Variants in MAP2 observed in about 807,000 individuals in gnomAD.
MAP2 encodes the protein microtubule associated protein 2, also known as microtubule-associated protein 2.
Under a neutral mutation model 137.6 loss-of-function variants are expected in MAP2, and 14 were observed. That is an observed-to-expected ratio of 0.10 (90% CI 0.07 to 0.16). The LOEUF (loss-of-function observed/expected upper bound fraction) is 0.16, where lower values mean the gene tolerates loss of function less well. MAP2 is among the 10% of genes least tolerant of loss of function. MAP2 has a pLI of 1.00. For synonymous variants in MAP2, 786 were observed against 782.3 expected (o/e 1.00, Z -0.08); for missense variants, 2,088 against 2,191.5 (o/e 0.95, Z 0.94).
At chr2:209,466,133 C>G (rs1450698170) in intron 1 of MAP2, among the ~76,000 whole-genome samples, 1 of 152,152 alleles carries the variant, frequency 6.6e-6, no homozygotes, top group Non-Finnish European at 1.5e-5. Context: ...TCCAAAGAAT[C>G]ATAAACTATT....
intron 1 of MAP2, among the ~76,000 whole-genome samples, chr2:209,434,119 G>A (rs1291925633): frequency 6.6e-6 from 1 of 151,976 alleles, no homozygotes; most frequent in Non-Finnish European, 1.5e-5. Flanking sequence ...AGATTAATAA[G>A]CAGTGTACCT....
chr2:209,614,569 A>G (rs1335962674), intron 3 of MAP2, among the ~76,000 whole-genome samples: 1 of 152,120 alleles, frequency 6.6e-6, no homozygotes, highest in Admixed American at 6.6e-5. Flanking sequence ...ATAGATCGAG[A>G]TATATTTCAA....
At chr2:209,702,190 CT>C (rs948116906) in intron 11 of MAP2, among the ~76,000 whole-genome samples, 6 of 151,968 alleles carry the variant, frequency 3.9e-5, no homozygotes, top group African/African-American at 1.4e-4. Context: ...TTTTAAGCCC[CT>C]TGGTCTTTGA....
chr2:209,461,282 A>C (rs1410607238), intron 1 of MAP2, among the ~76,000 whole-genome samples: 2 of 152,178 alleles, frequency 1.3e-5, no homozygotes, highest in Non-Finnish European at 2.9e-5. Flanking sequence ...TAAAATTTGA[A>C]ATTTAGTTAC....
chr2:209,458,600 A>G (rs1474572503), intron 1 of MAP2, among the ~76,000 whole-genome samples: 8 of 152,196 alleles, frequency 5.3e-5, no homozygotes, highest in Admixed American at 2.0e-4. Context: ...TTTGAATAAT[A>G]AAGCAACTGG....
At chr2:209,723,332 A>G (rs548567292) in intron 13 of MAP2, among the ~76,000 whole-genome samples, 14 of 152,288 alleles carry the variant, frequency 9.2e-5, no homozygotes, top group Non-Finnish European at 2.1e-4. Context: ...TTATTTTTCA[A>G]TCCATATAAC....
chr2:209,634,528 G>A (rs773700085), intron 4 of MAP2, among the ~76,000 whole-genome samples: 6 of 105,938 alleles, frequency 5.7e-5, no homozygotes, highest in Non-Finnish European at 1.0e-4. Context: ...TGTACCTGAG[G>A]TGATCTTGGA....
rs6757315 is a variant in MAP2 at position 209,532,670 on chromosome 2, T to C, written c.-172+25029T>C. On this transcript the variant is annotated intron_variant, in intron 2 of 15. Coordinates refer to ENST00000682079, the MANE Select transcript of MAP2 (RefSeq NM_001375505.1). Reference sequence around the variant, plus strand: ...TGTTTCGATGACCCTGCCTTTAGTGTTGTCCCACTAAGTCTCTCTCTCCTT... The same window carrying C: ...TGTTTCGATGACCCTGCCTTTAGTGCTGTCCCACTAAGTCTCTCTCTCCTT... Among the ~76,000 whole-genome samples the C allele has an allele frequency of 5.4e-3, 824 of 152,314 alleles. 9 individuals carry two copies. Among genetic ancestry groups the C allele is most frequent in the African/African-American group, 0.019 (797 of 41,570 alleles).
At chr2:209,556,942 TAA>T (rs902356874) in intron 2 of MAP2, among the ~76,000 whole-genome samples, 5 of 152,074 alleles carry the variant, frequency 3.3e-5, no homozygotes, top group African/African-American at 9.7e-5. Context: ...AATACAGAGT[TAA>T]GTGCTATATA....
rs148996327 is a variant in MAP2 at position 209,558,710 on chromosome 2, G to T, written c.-171-21326G>T. On this transcript the variant is annotated intron_variant, in intron 2 of 15. Transcript: ENST00000682079. ...TCTAATAATAATAATAATAATCCAA[G>T]AATAAGCAAGGTTACCATGTTTCTT... is the stretch of plus-strand genomic sequence containing the variant. 4.6e-3 allele frequency among the ~76,000 whole-genome samples: 691 copies of T among 150,902 alleles called. 8 individuals are homozygous for T. Among genetic ancestry groups the T allele is most frequent in the African/African-American group, 0.016 (646 of 40,964 alleles).
At chr2:209,708,416 T>C (rs2064185916) in intron 12 of MAP2, among the ~76,000 whole-genome samples, 1 of 152,202 alleles carries the variant, frequency 6.6e-6, no homozygotes, top group Non-Finnish European at 1.5e-5. Context: ...TTTCATTTGA[T>C]ACTTGAAAAC....
intron 2 of MAP2, among the ~76,000 whole-genome samples, chr2:209,535,496 A>G (rs1258047996): frequency 6.6e-6 from 1 of 151,708 alleles, no homozygotes; most frequent in African/African-American, 2.4e-5. Flanking sequence ...TCTCTCATAA[A>G]TATATTTTCA....
At chr2:209,475,770 A>G (rs917381291) in intron 1 of MAP2, among the ~76,000 whole-genome samples, 1 of 152,186 alleles carries the variant, frequency 6.6e-6, no homozygotes, top group Non-Finnish European at 1.5e-5. Flanking sequence ...ACACTATGTA[A>G]TTATGTCAAC....
chr2:209,634,718 T>A (rs929169511), intron 4 of MAP2, among the ~76,000 whole-genome samples: 8 of 152,180 alleles, frequency 5.3e-5, no homozygotes, highest in Non-Finnish European at 1.0e-4. Context: ...TACAAATTAA[T>A]ATATTTGAAT....
At chr2:209,612,260 G>A (rs1316507891) in intron 3 of MAP2, among the ~76,000 whole-genome samples, 1 of 152,082 alleles carries the variant, frequency 6.6e-6, no homozygotes, top group Non-Finnish European at 1.5e-5. Context: ...AAAATATTTC[G>A]AGAGTGAAAA....
At chr2:209,496,214 C>T (rs929802972) in intron 1 of MAP2, among the ~76,000 whole-genome samples, 15 of 152,024 alleles carry the variant, frequency 9.9e-5, no homozygotes, top group East Asian at 1.9e-4. Flanking sequence ...GACTTTGTGC[C>T]GTATACCACA....
chr2:209,698,830 C>T (rs547301130), intron 10 of MAP2, among the ~76,000 whole-genome samples: 1 of 152,222 alleles, frequency 6.6e-6, no homozygotes, highest in East Asian at 1.9e-4. Flanking sequence ...AGCAAAATTG[C>T]TTGGGCAAGC....
chr2:209,657,941 A>T (rs1302438244), intron 5 of MAP2, among the ~76,000 whole-genome samples: 2 of 152,172 alleles, frequency 1.3e-5, no homozygotes, highest in African/African-American at 4.8e-5. Flanking sequence ...ATTGTTTTCC[A>T]AAGCGTAAAT....
chr2:209,507,136 G>A (rs1372269351), intron 1 of MAP2, among the ~76,000 whole-genome samples: 1 of 152,094 alleles, frequency 6.6e-6, no homozygotes, highest in African/African-American at 2.4e-5. Flanking sequence ...ATATCACATT[G>A]GGGGATTAGG....
Sources: allele counts gnomAD v4.1 joint callset (sites outside exome capture counted in the v4.1 genomes callset), GRCh38; gene constraint gnomAD v4.1.1; transcripts MANE v1.5; gene names NCBI Gene and HGNC (gene_info 2026-07-23, HGNC 2026-07-21).